Variants in PDE4D observed in about 807,000 individuals in gnomAD.
PDE4D encodes phosphodiesterase 4D.
Under a neutral mutation model 87.4 loss-of-function variants are expected in PDE4D, and 24 were observed. The ratio of observed to expected loss-of-function variants is 0.27; its 90% CI spans 0.20 to 0.39. PDE4D has a LOEUF of 0.39. Among genes scored for constraint, PDE4D ranks in the 10% least tolerant of loss-of-function variants. The pLI is 1.00. For synonymous variants in PDE4D, 384 were observed against 383.2 expected, an observed-to-expected ratio of 1.00 and a Z score of -0.02; for missense variants, 714 against 1,041.0, an observed-to-expected ratio of 0.69 and a Z score of 4.32.
chr5:59,647,072 A>G (rs1412788887), intron 1 of PDE4D, among the ~76,000 whole-genome samples: 1 of 152,172 alleles, frequency 6.6e-6, no homozygotes, highest in Non-Finnish European at 1.5e-5. Flanking sequence ...CAACATATTT[A>G]ACAAGTCTGT....
intron 1 of PDE4D, among the ~76,000 whole-genome samples, chr5:59,846,540 C>G (rs1743882435): frequency 6.6e-6 from 1 of 151,986 alleles, no homozygotes; most frequent in African/African-American, 2.4e-5. Flanking sequence ...GGTAGTTTAG[C>G]TCTTACATTT....
intron 6 of PDE4D, among the ~76,000 whole-genome samples, chr5:59,018,306 C>A (rs1208684865): frequency 6.6e-6 from 1 of 152,200 alleles, no homozygotes; most frequent in African/African-American, 2.4e-5. Flanking sequence ...GACAAATGTA[C>A]AGACAGGCAG....
chr5:58,977,389 G>A (rs778198296), intron 11 of PDE4D, 44 bp from the exon 12 acceptor site: 3 of 1,568,408 alleles, frequency 1.9e-6, no homozygotes, highest in South Asian at 1.2e-5. Context: ...AACTGTTTGT[G>A]AGAAGTTTAT....
intron 1 of PDE4D, among the ~76,000 whole-genome samples, chr5:59,779,353 TTG>T (rs1341176814): frequency 6.6e-6 from 1 of 152,182 alleles, no homozygotes; most frequent in Non-Finnish European, 1.5e-5. Flanking sequence ...CTGTTACCAG[TTG>T]TGTTTGTTCT....
chr5:59,207,154 A>T (rs1268751353), intron 2 of PDE4D, among the ~76,000 whole-genome samples: 1 of 152,178 alleles, frequency 6.6e-6, no homozygotes, highest in East Asian at 1.9e-4. Context: ...GCTGCACTCC[A>T]GCCTGGGCAA....
upstream of PDE4D, among the ~76,000 whole-genome samples, chr5:59,896,462 C>T (rs149732635): frequency 3.0e-3 from 459 of 152,186 alleles, no homozygotes; most frequent in Middle Eastern, 6.8e-3. Context: ...CACAAAGACC[C>T]AGGCTCCATG....
intron 1 of PDE4D, among the ~76,000 whole-genome samples, chr5:59,394,499 A>T (rs1788931219): frequency 1.3e-5 from 2 of 152,248 alleles, no homozygotes; most frequent in Admixed American, 1.3e-4. Context: ...GCATGCAATG[A>T]CATTAGTATC....
intron 1 of PDE4D, among the ~76,000 whole-genome samples, chr5:60,397,282 C>T (rs1583624872): frequency 1.3e-5 from 2 of 152,220 alleles, no homozygotes; most frequent in South Asian, 2.1e-4. Flanking sequence ...TCCAGGAATC[C>T]CATGACTAGG....
chr5:59,408,879 G>T lies in PDE4D; in HGVS notation c.456-192911C>A, dbSNP rs1049006729. Among the ~76,000 whole-genome samples, 8 of 152,252 alleles carry T rather than the reference G, an allele frequency of 5.3e-5. No homozygotes were observed. The East Asian group carries it at 1.5e-3, about 29-fold the overall frequency. ...ATGGAAATGTTGGCCAGGCATGATGGCTCATGCCTGTAATCCCAGCACTTT... is the reference window on the plus strand; with the variant it reads ...ATGGAAATGTTGGCCAGGCATGATGTCTCATGCCTGTAATCCCAGCACTTT... On this transcript the variant is annotated intron_variant, in intron 1 of 14. Coordinates refer to ENST00000340635, the MANE Select transcript of PDE4D (RefSeq NM_001104631.2).
chr5:60,220,901 A>G (rs1226745590), intron 1 of PDE4D, among the ~76,000 whole-genome samples: 2 of 152,176 alleles, frequency 1.3e-5, no homozygotes, highest in African/African-American at 2.4e-5. Context: ...AGAAAGCAAT[A>G]TGAAAATGTG....
intron 2 of PDE4D, among the ~76,000 whole-genome samples, chr5:60,133,487 T>C (rs994806826): frequency 6.6e-6 from 1 of 152,022 alleles, no homozygotes; most frequent in Non-Finnish European, 1.5e-5. Context: ...AGTCAACTTC[T>C]AACAAATATC....
intron 1 of PDE4D, among the ~76,000 whole-genome samples, chr5:59,240,425 A>C (rs27722): frequency 1 from 152,190 of 152,282 alleles, 76,051 homozygotes; most frequent in Non-Finnish European, 1. Flanking sequence ...TTTATTATTT[A>C]TTTGCACCTG....
At chr5:59,125,963 C>T (rs566853346) in intron 5 of PDE4D, among the ~76,000 whole-genome samples, 1 of 151,998 alleles carries the variant, frequency 6.6e-6, no homozygotes, top group African/African-American at 2.4e-5. Flanking sequence ...TATTGATCCC[C>T]CAAATACAAT....
In PDE4D at chr5:59,821,261, A is replaced by G. The variant is rs530117414; in HGVS notation, c.455+71907T>C. 4.6e-5 allele frequency among the ~76,000 whole-genome samples: 7 copies of G among 152,030 alleles called. No homozygotes were observed. In the South Asian group the frequency reaches 8.4e-4, roughly 18 times the overall value. On this transcript the variant is annotated intron_variant, in intron 1 of 14. Coordinates refer to ENST00000340635, the MANE Select transcript of PDE4D (RefSeq NM_001104631.2). ...AGCAACAACAACAACAACAACAACAACAACAACAACAACAAAAGAAAAAGA... is the reference window on the plus strand; with the variant it reads ...AGCAACAACAACAACAACAACAACAGCAACAACAACAACAAAAGAAAAAGA...
intron 2 of PDE4D, among the ~76,000 whole-genome samples, chr5:60,083,716 T>C (rs1452228078): frequency 1.3e-5 from 2 of 152,216 alleles, no homozygotes; most frequent in African/African-American, 4.8e-5. Context: ...TACTACTTCC[T>C]GTTATACAGC....
chr5:59,878,036 G>A (rs1232917201), intron 1 of PDE4D, among the ~76,000 whole-genome samples: 2 of 152,130 alleles, frequency 1.3e-5, no homozygotes, highest in African/African-American at 4.8e-5. Context: ...GGCTGGTGTA[G>A]TAGCTTCCTA....
chr5:59,390,796 C>G (rs1216994494), intron 1 of PDE4D, among the ~76,000 whole-genome samples: 1 of 151,978 alleles, frequency 6.6e-6, no homozygotes, highest in African/African-American at 2.4e-5. Flanking sequence ...TGTAGTCATG[C>G]CATCCCAAAA....
intron 1 of PDE4D, among the ~76,000 whole-genome samples, chr5:59,568,265 CACGATTAGTATGACAGT>C (rs1821274295): frequency 6.6e-6 from 1 of 152,074 alleles, no homozygotes; most frequent in African/African-American, 2.4e-5. Context: ...AATTTCACAG[CACGATTAGTATGACAGT>C]AGTGGATTAT....
At chr5:59,705,034 G>A (rs990856382) in intron 1 of PDE4D, among the ~76,000 whole-genome samples, 1 of 152,138 alleles carries the variant, frequency 6.6e-6, no homozygotes, top group African/African-American at 2.4e-5. Flanking sequence ...AACTATCAGG[G>A]ATAAACACAA....
Sources: gnomAD v4.1 joint callset for allele counts (sites outside exome capture counted in the v4.1 genomes callset) on GRCh38, gnomAD v4.1.1 for gene constraint, MANE v1.5 for transcripts, NCBI Gene and HGNC (gene_info 2026-07-23, HGNC 2026-07-21) for gene names.